The following EHMT2 variants were observed in gnomAD, a reference collection of about 807,000 sequenced individuals.
EHMT2 encodes the protein euchromatic histone lysine methyltransferase 2.
A neutral mutation model predicts 143.3 loss-of-function variants in EHMT2; 59 were observed. The ratio of observed to expected loss-of-function variants is 0.41; its 90% CI spans 0.33 to 0.51. The LOEUF is 0.51. Among genes scored for constraint, EHMT2 ranks in the 20% least tolerant of loss-of-function variants. The pLI is 0.18. For synonymous variants in EHMT2, 604 were observed against 651.5 expected (o/e 0.93, Z 1.11); for missense variants, 1,174 against 1,645.9 (o/e 0.71, Z 4.96).
At position 31,880,700 on chromosome 6, in the gene EHMT2, C is replaced by T. The variant is rs753568526; in HGVS notation, c.3425G>A (p.Arg1142Gln). 1.2e-6 allele frequency: 2 copies of T among 1,613,882 alleles called. No individual in the cohort carries two copies. Among genetic ancestry groups the T allele is most frequent in the South Asian group, 1.1e-5 (1 of 91,076 alleles). Residue 1142 changes from arginine to glutamine, a missense_variant, in exon 27 of 28, where the codon CGA becomes CAA. Transcript: ENST00000375537. This position sits in a 1 kb window ranked among gnomAD's most constrained non-coding sequence, Gnocchi z 6.6. ...TAGCTCCTCCCCAGTCCGGATGTCTCGGGAACTGAAGAAGGCGATGCGTGG... is the reference window on the plus strand; with the variant it reads ...TAGCTCCTCCCCAGTCCGGATGTCTTGGGAACTGAAGAAGGCGATGCGTGG...
rs888243979 is a variant in EHMT2, at chr6:31,884,901, C to T, written c.2448+11G>A. The T allele has an allele frequency of 1.1e-5, 17 of 1,595,768 alleles. No individual in the cohort carries two copies. Among genetic ancestry groups the T allele is most frequent in the African/African-American group, 8.0e-5 (6 of 74,612 alleles). On this transcript the variant is annotated intron_variant, in intron 19 of 27. Transcript: ENST00000375537. This position sits in a 1 kb window ranked among gnomAD's most constrained non-coding sequence, Gnocchi z 7.3. Reference sequence around the variant, plus strand: ...CTGGGGCTGCCCTACCTCAACCAAACGCTCACTCACGTTGTCAGTGAGGGT... The same window carrying T: ...CTGGGGCTGCCCTACCTCAACCAAATGCTCACTCACGTTGTCAGTGAGGGT...
chr6:31,887,139 C>G lies in EHMT2; in HGVS notation c.2012-38G>C, dbSNP rs762612841. 7.1e-6 allele frequency: 11 copies of G among 1,548,500 alleles called. No individual in the cohort carries two copies. In the Admixed American group the frequency reaches 1.4e-4, roughly 20 times the overall value. On this transcript the variant is annotated intron_variant, in intron 15 of 27. Transcript: ENST00000375537. The stretch of plus-strand genomic sequence containing the variant: ...CCCGCCACACCGGGAGAGGGAGGGA[C>G]AAGTGGTAAGCAAGCTAGGGGGCAG...
In EHMT2 at chr6:31,880,567, T is replaced by C; in HGVS notation, c.3452+106A>G. 2.4e-6 allele frequency: 3 copies of C among 1,230,834 alleles called. No homozygotes were observed. Among genetic ancestry groups the C allele is most frequent in the Non-Finnish European group, 3.5e-6 (3 of 866,418 alleles). The allele number at this position is 1,230,834 out of a possible 1,614,324, so 76.2% of individuals were successfully genotyped here. A position where few individuals can be genotyped will look rare whatever the true frequency, so the allele number is the denominator to read the frequency against. ...ATGTACACTGAAATCTGAGAAGCTC[T>C]GCACTACTCCATGCCTGGACACCAG... On this transcript the variant is annotated intron_variant, in intron 27 of 27. Transcript: ENST00000375537. This position sits in a 1 kb window ranked among gnomAD's most constrained non-coding sequence, Gnocchi z 6.6.
chr6:31,891,869 A>G (rs1285116962), intron 7 of EHMT2, among the ~76,000 whole-genome samples: 5 of 152,058 alleles, frequency 3.3e-5, no homozygotes, highest in Non-Finnish European at 7.4e-5. Flanking sequence ...TCATTAGCTG[A>G]TTAAAAAAAA....
chr6:31,897,651 C>T (rs955930547), exon 1 of EHMT2: 8 of 1,165,416 alleles, frequency 6.9e-6, no homozygotes, highest in African/African-American at 3.2e-5. Context: ...CGGCCGCCGC[C>T]GCTGCAGCTC....
rs773484398 is a variant in EHMT2, at chr6:31,880,147, G to C, written c.3570C>G (p.Ala1190=). Residue 1190 remains alanine, a synonymous_variant, in exon 28 of 28, where the codon GCC becomes GCG. Coordinates refer to ENST00000375537, the Ensembl canonical transcript of EHMT2. This position sits in a 1 kb window ranked among gnomAD's most constrained non-coding sequence, Gnocchi z 6.6. ...GCAGCTCAGGGTGTGGGTCCAGGCG[G>C]GCCAGACGGCTCTGCTCCAGGGCAA... 7 of 1,612,818 alleles carry C rather than the reference G, an allele frequency of 4.3e-6. No homozygotes were observed. Among genetic ancestry groups the C allele is most frequent in the Non-Finnish European group, 5.9e-6 (7 of 1,180,004 alleles).
At chr6:31,895,758 ATG>A (rs1483257596) in intron 4 of EHMT2, 1 of 154,774 alleles carries the variant, frequency 6.5e-6, no homozygotes, top group Non-Finnish European at 1.4e-5. Flanking sequence ...ACTTTACTTA[ATG>A]TTAAGTTTGC....
chr6:31,880,912 ACTCCCCAGTCCCTC>A lies in EHMT2; in HGVS notation c.3277-78_3277-65del. On this transcript the variant is annotated intron_variant, in intron 26 of 27. Coordinates refer to ENST00000375537, the Ensembl canonical transcript of EHMT2. This position sits in a 1 kb window ranked among gnomAD's most constrained non-coding sequence, Gnocchi z 6.6. ...CCCTGCTTGCCCTCCCCACCCACTG[ACTCCCCAGTCCCTC>A]CTCCCCAGGTTTCCATTTGCTGACT... The A allele has an allele frequency of 6.2e-7, 1 of 1,604,170 alleles. No homozygotes were observed. The highest frequency in any genetic ancestry group is 1.4e-5 in the African/African-American group (1 of 73,720).
exon 3 of EHMT2, chr6:31,896,783 G>A (rs1457226368): frequency 6.2e-7 from 1 of 1,613,084 alleles, no homozygotes; most frequent in South Asian, 1.1e-5. Flanking sequence ...GCCTTGGGCA[G>A]GGTTTCTTCA....
intron 7 of EHMT2, among the ~76,000 whole-genome samples, chr6:31,892,070 C>T (rs1431554062): frequency 6.6e-6 from 1 of 152,080 alleles, no homozygotes; most frequent in East Asian, 1.9e-4. Flanking sequence ...AGGGAAACCC[C>T]GTCTCTACTA....
In EHMT2 at chr6:31,889,374, C is replaced by T. The variant is rs1283304681; in HGVS notation, c.1000-32G>A. ...AGGGGGAGGAGGAGGAGTTAGGAACCCTCACCCCCAGGGGCCCCCCCAACA... is the reference window on the plus strand; with the variant it reads ...AGGGGGAGGAGGAGGAGTTAGGAACTCTCACCCCCAGGGGCCCCCCCAACA... On this transcript the variant is annotated intron_variant, in intron 8 of 27. Transcript: ENST00000375537. The surrounding 1 kb of genome is among the most constrained non-coding windows in gnomAD (Gnocchi z 5.1). 1.6e-5 allele frequency: 25 copies of T among 1,610,122 alleles called. No homozygotes were observed. The highest frequency in any genetic ancestry group is 2.1e-5 in the Non-Finnish European group (25 of 1,179,162).
chr6:31,879,862 G>A (rs1172567134), exon 28 of EHMT2: 2 of 558,124 alleles, frequency 3.6e-6, no homozygotes, highest in Middle Eastern at 4.7e-4. Flanking sequence ...AACACGGGGG[G>A]TGGCCAGCCC....
chr6:31,892,803 C>A (rs201324317), intron 5 of EHMT2, 23 bp downstream of exon 5: 1 of 1,612,026 alleles, frequency 6.2e-7, no homozygotes. Flanking sequence ...ATCAAGCCAC[C>A]GGGGGTGGGG....
chr6:31,896,046 C>T (rs931782504), intron 4 of EHMT2: 5 of 556,792 alleles, frequency 9.0e-6, no homozygotes, highest in Admixed American at 3.5e-5. Flanking sequence ...ATAATTGACT[C>T]TTTAACATCA....
At chr6:31,895,552 T>C (rs1014592533) in intron 4 of EHMT2, 1 of 152,074 alleles carries the variant, frequency 6.6e-6, no homozygotes, top group African/African-American at 2.4e-5. Context: ...TCCCAGCACT[T>C]TGCGAGGTCA....
chr6:31,880,412 G>A lies in EHMT2; in HGVS notation c.3453-148C>T. 1.0e-6 allele frequency: 1 copy of A among 965,722 alleles called. No individual in the cohort carries two copies. Among genetic ancestry groups the A allele is most frequent in the Non-Finnish European group, 1.5e-6 (1 of 666,030 alleles). The allele number at this position is 965,722 out of a possible 1,614,324, so 59.8% of individuals were successfully genotyped here. On this transcript the variant is annotated intron_variant, in intron 27 of 27. Coordinates refer to ENST00000375537, the Ensembl canonical transcript of EHMT2. The surrounding 1 kb of genome is among the most constrained non-coding windows in gnomAD (Gnocchi z 6.6). The stretch of plus-strand genomic sequence containing the variant: ...ATCTGAGCCCCTTGTATGTTCTATG[G>A]ACTTTCAGCATCAGCATTGCCTGGG...
Position 31,884,473 on chromosome 6 carries a change from A to G in EHMT2, c.2690T>C (p.Val897Ala), listed in dbSNP as rs562802042. The G allele has an allele frequency of 6.2e-7, 1 of 1,612,990 alleles. No individual in the cohort carries two copies. The highest frequency in any genetic ancestry group is 2.2e-5 in the East Asian group (1 of 44,878). ...GCGGTTGAGTTGAAGCGCAAACCAC[A>G]CGTCGGAGCGCTCGGGAGTCAGGTC... The change falls in exon 21 of 28, where the codon GTG (valine) becomes GCG (alanine). Residue 897 changes from valine to alanine, a missense_variant. Coordinates refer to ENST00000375537, the Ensembl canonical transcript of EHMT2. This position sits in a 1 kb window ranked among gnomAD's most constrained non-coding sequence, Gnocchi z 7.3.
chr6:31,897,670 G>T, exon 1 of EHMT2: 6 of 1,145,486 alleles, frequency 5.2e-6, no homozygotes, highest in Non-Finnish European at 6.5e-6. Flanking sequence ...TCCCGCCGCC[G>T]CCGCCATCGC....
rs373890637 is a variant in EHMT2 at position 31,889,061 on chromosome 6, C to T, written c.1124G>A (p.Gly375Asp). Residue 375 changes from glycine to aspartate, a missense_variant, in exon 10 of 28, where the codon GGT becomes GAT. Around this residue, in one of 6 missense-constraint regions of EHMT2, gnomAD observed 608 missense variants for 903.7 expected, o/e 0.67. Coordinates refer to ENST00000375537, the Ensembl canonical transcript of EHMT2. This position sits in a 1 kb window ranked among gnomAD's most constrained non-coding sequence, Gnocchi z 5.1. ...CTCACTGGGGCCTGAGGAGCCCACA[C>T]CATTCACTCCTGACACAGAGACAGA... 3 of 1,603,918 alleles carry T rather than the reference C, an allele frequency of 1.9e-6. No homozygotes were observed. Among genetic ancestry groups the T allele is most frequent in the South Asian group, 2.3e-5 (2 of 88,868 alleles).
Sources: gnomAD v4.1 joint callset for allele counts (sites outside exome capture counted in the v4.1 genomes callset) on GRCh38, gnomAD v4.1.1 for gene constraint, gnomAD v4.1.1 regional missense constraint, Gnocchi (gnomAD v3.1) non-coding constraint, MANE v1.5 for transcripts, NCBI Gene and HGNC (gene_info 2026-07-23, HGNC 2026-07-21) for gene names.